PRKDC: variants seen among roughly 807,000 people sequenced by gnomAD.
PRKDC encodes the protein DNA-dependent protein kinase catalytic subunit.
In PRKDC, 82 loss-of-function variants were observed where a neutral mutation model predicts 486.9. That is an observed-to-expected ratio of 0.17 (90% confidence interval 0.14 to 0.20). The LOEUF is 0.20. Among genes scored for constraint, PRKDC ranks in the 10% least tolerant of loss-of-function variants. PRKDC has a pLI of 1.00. For missense variants in PRKDC, 4,504 were observed against 5,038.2 expected (o/e 0.89, Z 3.21); for synonymous variants, 1,895 against 1,837.0 (o/e 1.03, Z -0.81).
chr8:47,802,298 C>T (rs1160882247), intron 70 of PRKDC, among the ~76,000 whole-genome samples: 1 of 152,120 alleles, frequency 6.6e-6, no homozygotes, highest in Non-Finnish European at 1.5e-5. Context: ...CTCTAGACAC[C>T]TTTATTGAGG....
At position 47,854,217 on chromosome 8, in the gene PRKDC, G is replaced by A; in HGVS notation, c.6762-3C>T. ...CGGAAAACTTTTCAAATATTAACCT[G>A]AAACATAAGCACAAAGGAGAAAATT... On this transcript the variant is annotated splice_region_variant and splice_polypyrimidine_tract_variant and intron_variant, in intron 50 of 85. Transcript: ENST00000314191. 3 of 1,612,172 alleles carry A rather than the reference G, an allele frequency of 1.9e-6. No individual in the cohort carries two copies. The highest frequency in any genetic ancestry group is 1.7e-6 in the Non-Finnish European group (2 of 1,178,272).
rs1278929804 is a variant in PRKDC at position 47,780,565 on chromosome 8, A to G, written c.11490-1472T>C. On this transcript the variant is annotated intron_variant, in intron 80 of 85. Transcript: ENST00000314191. ...CAGGTGAAATCTTTTCTGAGTTGCTATTAAAGTTAGCTTTAAAAGTAGTCC... is the reference window on the plus strand; with the variant it reads ...CAGGTGAAATCTTTTCTGAGTTGCTGTTAAAGTTAGCTTTAAAAGTAGTCC... Among the ~76,000 whole-genome samples the G allele has an allele frequency of 2.0e-5, 3 of 152,238 alleles. 1 individual carries two copies. The highest frequency in any genetic ancestry group is 1.3e-4 in the Admixed American group (2 of 15,282).
In PRKDC at chr8:47,859,421, A is replaced by G. The variant is rs8178142; in HGVS notation, c.6207+190T>C. Among the ~76,000 whole-genome samples, 723 of 152,316 alleles carry G rather than the reference A, an allele frequency of 4.7e-3. 16 individuals carry two copies. Among genetic ancestry groups the G allele is most frequent in the Admixed American group, 0.035 (529 of 15,292 alleles). On this transcript the variant is annotated intron_variant, in intron 46 of 85. Coordinates refer to ENST00000314191, the MANE Select transcript of PRKDC (RefSeq NM_006904.7). Reference sequence around the variant, plus strand: ...TCTGACCTCCTACTGTGCTGATGATATCTGACTGCTGAGTCTACAGAATAA... The same window carrying G: ...TCTGACCTCCTACTGTGCTGATGATGTCTGACTGCTGAGTCTACAGAATAA...
intron 40 of PRKDC, among the ~76,000 whole-genome samples, chr8:47,874,315 T>C (rs2089038486): frequency 6.6e-6 from 1 of 152,118 alleles, no homozygotes; most frequent in Non-Finnish European, 1.5e-5. Flanking sequence ...AAGGGATAAA[T>C]GAGGTGATGA....
At chr8:47,956,675 C>A (rs1183649986) in intron 3 of PRKDC, among the ~76,000 whole-genome samples, 1 of 151,658 alleles carries the variant, frequency 6.6e-6, no homozygotes, top group Admixed American at 6.6e-5. Flanking sequence ...TGCACTCCAG[C>A]CTGGATGACA....
intron 49 of PRKDC, 24 bp downstream of exon 49, chr8:47,857,119 GATAATATATTAAC>G (rs1298081901): frequency 6.2e-7 from 1 of 1,600,508 alleles, no homozygotes; most frequent in East Asian, 2.2e-5. Context: ...ATTGGCAAAG[GATAATATATTAAC>G]ATAAAAGATG....
chr8:47,879,452 AC>A, intron 39 of PRKDC, 38 bp downstream of exon 39: 2 of 1,483,452 alleles, frequency 1.3e-6, no homozygotes, highest in Non-Finnish European at 9.0e-7. Context: ...GAAAAAAAAA[AC>A]AGTGTTTTAA....
At chr8:47,913,539 C>G (rs534359166) in intron 24 of PRKDC, among the ~76,000 whole-genome samples, 2 of 152,084 alleles carry the variant, frequency 1.3e-5, no homozygotes, top group African/African-American at 2.4e-5. Flanking sequence ...TGAGACTACA[C>G]TCGCATGCCA....
In PRKDC at chr8:47,800,842, GCCTTGTCCT is replaced by G. The variant is rs762663256; in HGVS notation, c.10058_10066del (p.Glu3353_Lys3355del). On this transcript the variant is annotated inframe_deletion, in exon 71 of 86. Coordinates refer to ENST00000314191, the MANE Select transcript of PRKDC (RefSeq NM_006904.7). ...TCCAGAAAGCTCTAAGATTCTTCTA[GCCTTGTCCT>G]CCTCGATTTCAGCAAGGCAGGCTGG... 2 of 1,613,038 alleles carry G rather than the reference GCCTTGTCCT, an allele frequency of 1.2e-6. No homozygotes were observed. The highest frequency in any genetic ancestry group is 2.2e-5 in the South Asian group (2 of 90,804).
intron 26 of PRKDC, among the ~76,000 whole-genome samples, chr8:47,904,569 G>A (rs1015452803): frequency 3.3e-5 from 5 of 152,168 alleles, no homozygotes; most frequent in African/African-American, 9.7e-5. Flanking sequence ...CAAGGTGGGC[G>A]GATCACTTGA....
In PRKDC at chr8:47,860,940, T is replaced by G; in HGVS notation, c.6017A>C (p.Glu2006Ala). 6.2e-7 allele frequency: 1 copy of G among 1,608,176 alleles called. No homozygotes were observed. The highest frequency in any genetic ancestry group is 1.1e-5 in the South Asian group (1 of 89,340). Residue 2006 changes from glutamate (E) to alanine (A), a missense_variant, in exon 45 of 86, where the codon GAA becomes GCA. By Grantham distance (107) the Glu-to-Ala change is moderately radical. This residue lies in a region of PRKDC where 1,592 missense variants were observed against 1,724.6 expected (regional missense o/e 0.92). Coordinates refer to ENST00000314191, the MANE Select transcript of PRKDC (RefSeq NM_006904.7). ...VPMERKKKYI[E>A]IRKEAREAAN... ...TGCTTCTCTGGCTTCTTTCCTAATT[T>G]CAATGTACTTTTTCTTTCTTTCCAT... is the stretch of plus-strand genomic sequence containing the variant.
At chr8:47,807,049 T>G (rs1171256864) in intron 69 of PRKDC, 88 bp downstream of exon 69, 1 of 1,344,174 alleles carries the variant, frequency 7.4e-7, no homozygotes, top group Non-Finnish European at 1.0e-6. Context: ...ATTTTAAGGT[T>G]CAGACTCTAA....
intron 30 of PRKDC, among the ~76,000 whole-genome samples, chr8:47,894,300 A>G (rs1352166267): frequency 6.6e-6 from 1 of 152,162 alleles, no homozygotes; most frequent in Non-Finnish European, 1.5e-5. Context: ...AAGAGAGAAC[A>G]TTTTGTATAT....
Position 47,927,397 on chromosome 8 carries a change from T to A in PRKDC, c.2260-44A>T, listed in dbSNP as rs376361750. The A allele has an allele frequency of 7.7e-5, 121 of 1,564,868 alleles. No individual in the cohort carries two copies. The African/African-American group carries it at 1.5e-3, about 20-fold the overall frequency. On this transcript the variant is annotated intron_variant, in intron 20 of 85. Transcript: ENST00000314191. ...AAGTTAAACTGAAACGCAGGAAATA[T>A]AAGATTTAGAGGAAAAAAACACCAA...
chr8:47,851,765 G>A (rs1391594934), intron 52 of PRKDC, among the ~76,000 whole-genome samples: 5 of 152,206 alleles, frequency 3.3e-5, no homozygotes. Context: ...TGCAGCTGAC[G>A]AAAGGGAGAG....
chr8:47,812,414 T>A (rs1361856739), intron 68 of PRKDC, among the ~76,000 whole-genome samples: 1 of 152,146 alleles, frequency 6.6e-6, no homozygotes, highest in South Asian at 2.1e-4. Context: ...TTTAAAAGGA[T>A]CAAAATCATA....
chr8:47,836,728 C>T lies in PRKDC; in HGVS notation c.7762-201G>A, dbSNP rs1002015566. On this transcript the variant is annotated intron_variant, in intron 57 of 85. Transcript: ENST00000314191. The stretch of plus-strand genomic sequence containing the variant: ...CCAACTAGAAAAACTAGTTAACTAT[C>T]GAGTGAGAAAACCCAGCTTTCTTAA... Among the ~76,000 whole-genome samples the T allele has an allele frequency of 1.8e-4, 27 of 152,162 alleles. 1 individual carries two copies. The highest frequency in any genetic ancestry group is 1.7e-3 in the Admixed American group (26 of 15,280).
At chr8:47,872,791 C>T (rs1462164686) in intron 40 of PRKDC, among the ~76,000 whole-genome samples, 1 of 152,062 alleles carries the variant, frequency 6.6e-6, no homozygotes, top group East Asian at 1.9e-4. Flanking sequence ...ATATATAAAT[C>T]AAATATTAGA....
At position 47,826,879 on chromosome 8, in the gene PRKDC, C is replaced by G; in HGVS notation, c.8578-18G>C. 1.9e-6 allele frequency: 3 copies of G among 1,550,434 alleles called. No individual in the cohort carries two copies. Among genetic ancestry groups the G allele is most frequent in the Non-Finnish European group, 2.6e-6 (3 of 1,141,144 alleles). On this transcript the variant is annotated intron_variant, in intron 62 of 85. Coordinates refer to ENST00000314191, the MANE Select transcript of PRKDC (RefSeq NM_006904.7). ...CTAATGTCCTGTGAAACCACACATA[C>G]AACCAGCTGTTTAGCTTGTGGTACT... is the stretch of plus-strand genomic sequence containing the variant.
Sources: gnomAD v4.1 joint callset for allele counts (sites outside exome capture counted in the v4.1 genomes callset) on GRCh38, gnomAD v4.1.1 for gene constraint, gnomAD v4.1.1 regional missense constraint, MANE v1.5 for transcripts, NCBI Gene and HGNC (gene_info 2026-07-23, HGNC 2026-07-21) for gene names.